FBXL20: variants seen among roughly 807,000 people sequenced by gnomAD.
The protein encoded by FBXL20 is F-box/LRR-repeat protein 20.
A neutral mutation model predicts 64.0 loss-of-function variants in FBXL20; 11 were observed. That is an observed-to-expected ratio of 0.17 (90% CI 0.11 to 0.28). The LOEUF is 0.28. Ranked by LOEUF, FBXL20 falls within the 10% of genes least tolerant of loss-of-function variation. The pLI, the probability that FBXL20 is intolerant of heterozygous loss-of-function variation, is 1.00. For synonymous variants in FBXL20, 184 were observed against 189.0 expected (o/e 0.97, Z 0.22); for missense variants, 303 against 526.2 (o/e 0.58, Z 4.15).
intron 1 of FBXL20, among the ~76,000 whole-genome samples, chr17:39,379,481 T>C: frequency 1.3e-5 from 1 of 77,960 alleles, no homozygotes; most frequent in Admixed American, 1.3e-4. Flanking sequence ...ACCCCATCCC[T>C]TACCAAAAAA....
intron 6 of FBXL20, among the ~76,000 whole-genome samples, chr17:39,295,935 A>G (rs1174663175): frequency 6.6e-6 from 1 of 151,944 alleles, no homozygotes; most frequent in East Asian, 1.9e-4. Context: ...CTTTTATTCA[A>G]CCTGTTCTCT....
At chr17:39,297,491 A>T (rs749265962) in intron 5 of FBXL20, 2 of 181,490 alleles carry the variant, frequency 1.1e-5, no homozygotes, top group Non-Finnish European at 2.3e-5. Flanking sequence ...AACCTAATAT[A>T]ATATTTGGTC....
At chr17:39,343,083 T>C (rs1261348874) in intron 2 of FBXL20, 97 bp downstream of exon 2, 4 of 730,830 alleles carry the variant, frequency 5.5e-6, no homozygotes, top group East Asian at 2.8e-5. Flanking sequence ...ATACAGATAC[T>C]ATACATATAT....
chr17:39,347,235 T>C (rs954726486), intron 1 of FBXL20, among the ~76,000 whole-genome samples: 21 of 152,314 alleles, frequency 1.4e-4, no homozygotes, highest in African/African-American at 4.8e-4. Flanking sequence ...CAAATGGTTA[T>C]TTCTAGTTGT....
chr17:39,295,200 A>G (rs1267271070), intron 6 of FBXL20, among the ~76,000 whole-genome samples: 1 of 152,080 alleles, frequency 6.6e-6, no homozygotes, highest in African/African-American at 2.4e-5. Flanking sequence ...TATGTTTCAA[A>G]TTTTCATATT....
chr17:39,294,787 A>G (rs2047070305), intron 6 of FBXL20, among the ~76,000 whole-genome samples: 2 of 152,022 alleles, frequency 1.3e-5, no homozygotes, highest in Admixed American at 6.6e-5. Context: ...CGAGGTGGGC[A>G]GATCACCTGA....
At chr17:39,263,434 G>A (rs772605759) in intron 14 of FBXL20, among the ~76,000 whole-genome samples, 1 of 152,098 alleles carries the variant, frequency 6.6e-6, no homozygotes, top group African/African-American at 2.4e-5. Flanking sequence ...AGGAAGCCTT[G>A]AGCCTGGGAG....
Position 39,265,344 on chromosome 17 carries a change from C to A in FBXL20, c.990+53G>T, listed in dbSNP as rs545676172. On this transcript the variant is annotated intron_variant, in intron 13 of 14. Coordinates refer to ENST00000264658, the MANE Select transcript of FBXL20 (RefSeq NM_032875.3). ...AGAGCTGGGTTCTTGAACTGTAGCA[C>A]TGGCTTTTGATTAAACCCAGTAAAC... 32 of 1,421,964 alleles carry A rather than the reference C, an allele frequency of 2.3e-5. No homozygotes were observed. The African/African-American group carries it at 4.1e-4, about 18-fold the overall frequency. 88.1% of individuals were successfully genotyped at this position (1,421,964 alleles called of 1,614,324 possible). A position where few individuals can be genotyped will look rare whatever the true frequency, so the allele number is the denominator to read the frequency against.
At chr17:39,288,378 T>C (rs1366501183) in intron 6 of FBXL20, among the ~76,000 whole-genome samples, 1 of 152,232 alleles carries the variant, frequency 6.6e-6, no homozygotes, top group Non-Finnish European at 1.5e-5. Flanking sequence ...TTATTAATTC[T>C]AAGAGCTTTC....
intron 1 of FBXL20, among the ~76,000 whole-genome samples, chr17:39,367,498 G>T (rs1035563069): frequency 1.3e-5 from 2 of 149,922 alleles, no homozygotes; most frequent in Non-Finnish European, 3.0e-5. Context: ...TATATTTTTG[G>T]TAGAGACAGG....
At chr17:39,388,877 G>A (rs1157930621) in intron 1 of FBXL20, among the ~76,000 whole-genome samples, 1 of 149,758 alleles carries the variant, frequency 6.7e-6, no homozygotes, top group Non-Finnish European at 1.5e-5. Context: ...TGAGGTGGGT[G>A]GAGTACCTGA....
chr17:39,395,559 G>A lies in FBXL20; in HGVS notation c.42+5802C>T, dbSNP rs74479876. On this transcript the variant is annotated intron_variant, in intron 1 of 14. Coordinates refer to ENST00000264658, the MANE Select transcript of FBXL20 (RefSeq NM_032875.3). ...TTTGCTATGTATTTTCTATAAGTTAGATAATTGTTTTCAAACCAGTTGCTA... is the reference window on the plus strand; with the variant it reads ...TTTGCTATGTATTTTCTATAAGTTAAATAATTGTTTTCAAACCAGTTGCTA... Among the ~76,000 whole-genome samples, 882 of 152,326 alleles carry A rather than the reference G, an allele frequency of 5.8e-3. 13 individuals are homozygous for A. Among genetic ancestry groups the A allele is most frequent in the African/African-American group, 0.02 (824 of 41,562 alleles).
At chr17:39,363,033 CTT>C (rs1219510642) in intron 1 of FBXL20, among the ~76,000 whole-genome samples, 3 of 151,640 alleles carry the variant, frequency 2.0e-5, no homozygotes, top group South Asian at 2.1e-4. Flanking sequence ...CAGTTTCACT[CTT>C]GTCGCCCAGG....
At chr17:39,344,711 C>G (rs1597809784) in intron 1 of FBXL20, among the ~76,000 whole-genome samples, 1 of 152,140 alleles carries the variant, frequency 6.6e-6, no homozygotes. Context: ...ATCACTTGAA[C>G]CCCAGGCTGC....
intron 1 of FBXL20, among the ~76,000 whole-genome samples, chr17:39,353,359 A>C (rs2047706002): frequency 6.6e-6 from 1 of 152,154 alleles, no homozygotes; most frequent in Admixed American, 6.5e-5. Context: ...ACAGTCTGAA[A>C]ACAGGTTAGT....
rs369096335 is a variant in FBXL20, at chr17:39,318,338, T to C, written c.105-14699A>G. On this transcript the variant is annotated intron_variant, in intron 2 of 14. Transcript: ENST00000264658. The stretch of plus-strand genomic sequence containing the variant: ...AGGATGTGGTAAGAATCCTCAACAA[T>C]AGTCTAAGACTATCAGAATTCCACA... 8.1e-4 allele frequency among the ~76,000 whole-genome samples: 124 copies of C among 152,296 alleles called. 1 individual carries two copies. Among genetic ancestry groups the C allele is most frequent in the African/African-American group, 2.9e-3 (120 of 41,568 alleles).
At chr17:39,387,594 T>C (rs2144668577) in intron 1 of FBXL20, among the ~76,000 whole-genome samples, 1 of 151,434 alleles carries the variant, frequency 6.6e-6, no homozygotes, top group East Asian at 1.9e-4. Context: ...TTTTTTTTTT[T>C]TGAGACAAGG....
intron 2 of FBXL20, among the ~76,000 whole-genome samples, chr17:39,330,257 A>AC (rs2047447287): frequency 2.0e-5 from 3 of 151,962 alleles, no homozygotes; most frequent in African/African-American, 7.3e-5. Flanking sequence ...AAATTGTGCC[A>AC]TTGCGCTCCA....
At chr17:39,317,521 T>C (rs2047304749) in intron 2 of FBXL20, among the ~76,000 whole-genome samples, 4 of 148,264 alleles carry the variant, frequency 2.7e-5, no homozygotes, top group Admixed American at 1.3e-4. Flanking sequence ...TGATCCACCG[T>C]GTCCGACCAA....
Sources: gnomAD v4.1 joint callset for allele counts (sites outside exome capture counted in the v4.1 genomes callset) on GRCh38, gnomAD v4.1.1 for gene constraint, MANE v1.5 for transcripts, NCBI Gene and HGNC (gene_info 2026-07-23, HGNC 2026-07-21) for gene names.